Variants in UTP4 observed in about 807,000 individuals in gnomAD.
UTP4 encodes U3 small nucleolar RNA-associated protein 4 homolog.
In UTP4, 45 loss-of-function variants were observed where a neutral mutation model predicts 82.4. That is an observed-to-expected ratio of 0.55 (90% confidence interval 0.43 to 0.70). The LOEUF (loss-of-function observed/expected upper bound fraction) is 0.70, where lower values mean the gene tolerates loss of function less well. Ranked by LOEUF, UTP4 falls within the 30% of genes least tolerant of loss-of-function variation. The pLI is 0.00. For missense variants in UTP4, 819 were observed against 858.3 expected (o/e 0.95, Z 0.57); for synonymous variants, 348 against 300.3 (o/e 1.16, Z -1.64).
intron 6 of UTP4, among the ~76,000 whole-genome samples, chr16:69,148,478 C>T (rs1202495573): frequency 1.3e-5 from 2 of 151,980 alleles, no homozygotes; most frequent in African/African-American, 4.8e-5. Context: ...GTGATCCGCC[C>T]GCCTCAGCCT....
intron 6 of UTP4, among the ~76,000 whole-genome samples, chr16:69,149,836 C>G (rs1002358019): frequency 2.6e-5 from 4 of 151,988 alleles, no homozygotes; most frequent in Non-Finnish European, 5.9e-5. Context: ...TCAAGTGATT[C>G]TCGTGCCTCA....
chr16:69,164,598 A>ATG (rs996006804), intron 14 of UTP4, among the ~76,000 whole-genome samples: 1 of 143,098 alleles, frequency 7.0e-6, no homozygotes, highest in Non-Finnish European at 1.5e-5. Context: ...ATATATATAT[A>ATG]TATATATATA....
intron 13 of UTP4, 74 bp downstream of exon 13, chr16:69,160,536 A>G: frequency 9.5e-7 from 1 of 1,054,802 alleles, no homozygotes; most frequent in Non-Finnish European, 1.5e-6. Context: ...TACAAGATTC[A>G]AGGCAGATTG....
chr16:69,154,548 C>A, intron 10 of UTP4, 91 bp downstream of exon 10: 2 of 967,676 alleles, frequency 2.1e-6, no homozygotes, highest in Non-Finnish European at 1.7e-6. Context: ...TAGTTTGCAT[C>A]ATAAATTGTA....
chr16:69,152,000 T>C (rs924465768), intron 8 of UTP4, among the ~76,000 whole-genome samples: 1 of 150,994 alleles, frequency 6.6e-6, no homozygotes, highest in Non-Finnish European at 1.5e-5. Flanking sequence ...TTTATACATA[T>C]GTTATAGATA....
chr16:69,139,830 A>G lies in UTP4; in HGVS notation c.442A>G (p.Ile148Val). 3 of 1,613,214 alleles carry G rather than the reference A, an allele frequency of 1.9e-6. No homozygotes were observed. Among genetic ancestry groups the G allele is most frequent in the Non-Finnish European group, 2.5e-6 (3 of 1,179,164 alleles). The change falls in exon 5 of 17, where the codon ATC becomes GTC. Residue 148 changes from isoleucine to valine, a missense_variant. Coordinates refer to ENST00000314423, the MANE Select transcript of UTP4 (RefSeq NM_032830.3). ...TTTGTTGTCCAACTCCCAAGGTCGC[A>G]TCCTGAGTCTCAGCTGGCATCCCTC... ...ERNFDRQKSRILSLSWHPSGT... is the reference protein window; with the variant it reads ...ERNFDRQKSRVLSLSWHPSGT...
intron 3 of UTP4, among the ~76,000 whole-genome samples, chr16:69,137,582 G>A: frequency 6.6e-6 from 1 of 152,166 alleles, no homozygotes; most frequent in Non-Finnish European, 1.5e-5. Flanking sequence ...ATATCAGTCT[G>A]TTTTCTGTCT....
rs7202297 is a variant in UTP4 at position 69,142,574 on chromosome 16, A to T, written c.527-604A>T. On this transcript the variant is annotated intron_variant, in intron 5 of 16. Coordinates refer to ENST00000314423, the MANE Select transcript of UTP4 (RefSeq NM_032830.3). Reference sequence around the variant, plus strand: ...TTTTCTAGAATATCTGGGGTCCCCAATTCCTGAGTCCAAGGATTCCATAGT... The same window carrying T: ...TTTTCTAGAATATCTGGGGTCCCCATTTCCTGAGTCCAAGGATTCCATAGT... Among the ~76,000 whole-genome samples the T allele has an allele frequency of 1.9e-3, 295 of 152,250 alleles. 4 individuals are homozygous for T. The highest frequency in any genetic ancestry group is 6.7e-3 in the African/African-American group (280 of 41,552).
chr16:69,152,009 TATAGATAG>T (rs150885029), intron 8 of UTP4, among the ~76,000 whole-genome samples: 1 of 150,936 alleles, frequency 6.6e-6, no homozygotes, highest in African/African-American at 2.4e-5. Flanking sequence ...ATGTTATAGA[TATAGATAG>T]ATAGATAGAT....
chr16:69,157,281 C>A, intron 12 of UTP4, 41 bp downstream of exon 12: 1 of 1,607,518 alleles, frequency 6.2e-7, no homozygotes, highest in Non-Finnish European at 8.5e-7. Flanking sequence ...CTTGTCGTGT[C>A]TAAGATGTAA....
chr16:69,160,689 C>G (rs147659122), intron 13 of UTP4, among the ~76,000 whole-genome samples: 1 of 151,468 alleles, frequency 6.6e-6, no homozygotes, highest in Non-Finnish European at 1.5e-5. Context: ...CTCAGCCTCC[C>G]GGGTTCAAAT....
Position 69,144,880 on chromosome 16 carries a change from G to A in UTP4, c.738+1491G>A, listed in dbSNP as rs192903479. 1.5e-3 allele frequency among the ~76,000 whole-genome samples: 227 copies of A among 152,192 alleles called. 1 individual carries two copies. The highest frequency in any genetic ancestry group is 5.2e-3 in the African/African-American group (217 of 41,532). ...TTATTGGCCGGGCATGGTGACTCACGCCTGTAGTCCCAGCACTTTGGGAGG... is the reference window on the plus strand; with the variant it reads ...TTATTGGCCGGGCATGGTGACTCACACCTGTAGTCCCAGCACTTTGGGAGG... On this transcript the variant is annotated intron_variant, in intron 6 of 16. Coordinates refer to ENST00000314423, the MANE Select transcript of UTP4 (RefSeq NM_032830.3).
intron 13 of UTP4, 65 bp downstream of exon 13, chr16:69,160,527 A>G: frequency 8.5e-7 from 1 of 1,173,088 alleles, no homozygotes; most frequent in Admixed American, 1.7e-5. Context: ...CCCTGCAGTT[A>G]CAAGATTCAA....
At chr16:69,164,474 C>G (rs1385626512) in intron 14 of UTP4, among the ~76,000 whole-genome samples, 1 of 151,694 alleles carries the variant, frequency 6.6e-6, no homozygotes, top group Non-Finnish European at 1.5e-5. Context: ...AAACAGTACT[C>G]TCACACATTG....
At chr16:69,147,131 C>T (rs1289489807) in intron 6 of UTP4, among the ~76,000 whole-genome samples, 1 of 148,032 alleles carries the variant, frequency 6.8e-6, no homozygotes, top group Non-Finnish European at 1.5e-5. Flanking sequence ...GAGCTGAGAT[C>T]GTGCCATTGC....
intron 16 of UTP4, among the ~76,000 whole-genome samples, chr16:69,168,121 T>C (rs886426984): frequency 3.3e-5 from 5 of 152,122 alleles, no homozygotes; most frequent in Non-Finnish European, 7.4e-5. Context: ...CTGAGACCTT[T>C]TATGAGTGAA....
intron 10 of UTP4, among the ~76,000 whole-genome samples, chr16:69,155,516 G>A (rs192715451): frequency 1.3e-5 from 2 of 152,232 alleles, no homozygotes; most frequent in Admixed American, 6.5e-5. Context: ...GCAGAACGCC[G>A]TACACAAAAC....
chr16:69,141,934 C>T (rs1450671696), intron 5 of UTP4, among the ~76,000 whole-genome samples: 1 of 151,270 alleles, frequency 6.6e-6, no homozygotes, highest in African/African-American at 2.4e-5. Context: ...GTGTGCTGCA[C>T]CCATTAACTC....
chr16:69,162,052 C>G (rs983886458), intron 13 of UTP4, among the ~76,000 whole-genome samples: 3 of 151,672 alleles, frequency 2.0e-5, no homozygotes, highest in African/African-American at 7.3e-5. Context: ...ACTGCAACCT[C>G]CGCCTCCTAG....
Sources: gnomAD v4.1 joint callset for allele counts (sites outside exome capture counted in the v4.1 genomes callset) on GRCh38, gnomAD v4.1.1 for gene constraint, MANE v1.5 for transcripts, NCBI Gene and HGNC (gene_info 2026-07-23, HGNC 2026-07-21) for gene names.